Variants in TMEM117 observed in about 807,000 individuals in gnomAD.
The protein encoded by TMEM117 is transmembrane protein 117.
Under a neutral mutation model 52.4 loss-of-function variants are expected in TMEM117, and 27 were observed. The ratio of observed to expected loss-of-function variants is 0.51; its 90% CI spans 0.38 to 0.71. The LOEUF (loss-of-function observed/expected upper bound fraction) is 0.71. Ranked by LOEUF, TMEM117 falls within the 30% of genes least tolerant of loss-of-function variation. The pLI, the probability that TMEM117 is intolerant of heterozygous loss-of-function variation, is 0.00. For missense variants in TMEM117, 556 were observed against 630.5 expected, an observed-to-expected ratio of 0.88 and a Z score of 1.26; for synonymous variants, 215 against 206.3, an observed-to-expected ratio of 1.04 and a Z score of -0.36.
At chr12:44,378,695 G>A (rs897226777) in intron 7 of TMEM117, among the ~76,000 whole-genome samples, 1 of 152,160 alleles carries the variant, frequency 6.6e-6, no homozygotes, top group Non-Finnish European at 1.5e-5. Flanking sequence ...TTAAGGCTTT[G>A]GTGCAGTGTT....
chr12:44,152,197 ATATAAT>A (rs1948742886), intron 4 of TMEM117, among the ~76,000 whole-genome samples: 1 of 109,264 alleles, frequency 9.2e-6, no homozygotes, highest in South Asian at 3.1e-4. Context: ...ATATATATAA[ATATAAT>A]TATATTTATA....
At chr12:43,865,666 C>T (rs1490643621) in intron 2 of TMEM117, among the ~76,000 whole-genome samples, 2 of 150,674 alleles carry the variant, frequency 1.3e-5, no homozygotes, top group Admixed American at 6.6e-5. Context: ...CACTGCACTC[C>T]AGCCTGGGTG....
At chr12:43,986,478 T>G (rs1342790621) in intron 3 of TMEM117, among the ~76,000 whole-genome samples, 1 of 152,168 alleles carries the variant, frequency 6.6e-6, no homozygotes. Flanking sequence ...TGCTGATGTC[T>G]TTATGATTTT....
At chr12:43,945,447 A>G (rs1945116353) in intron 3 of TMEM117, among the ~76,000 whole-genome samples, 2 of 151,584 alleles carry the variant, frequency 1.3e-5, no homozygotes, top group South Asian at 4.2e-4. Context: ...CAGCCTCCCT[A>G]GTAGCTGAGA....
chr12:44,035,762 A>C (rs1275100272), intron 3 of TMEM117, among the ~76,000 whole-genome samples: 1 of 152,220 alleles, frequency 6.6e-6, no homozygotes, highest in African/African-American at 2.4e-5. Flanking sequence ...AATTAGCTAA[A>C]TAGGTTATGC....
chr12:43,806,470 T>G, the TMEM117 span: 1 of 927,246 alleles, frequency 1.1e-6, no homozygotes, highest in Non-Finnish European at 1.3e-6. Flanking sequence ...CTATCCTAGT[T>G]CTCTGCTTGG....
At chr12:43,893,604 G>A (rs1944146883) in intron 2 of TMEM117, among the ~76,000 whole-genome samples, 1 of 152,024 alleles carries the variant, frequency 6.6e-6, no homozygotes, top group South Asian at 2.1e-4. Context: ...TTCTCTTTGT[G>A]AAAAATCACA....
chr12:44,373,194 C>T (rs187370023), intron 6 of TMEM117, among the ~76,000 whole-genome samples: 1 of 152,296 alleles, frequency 6.6e-6, no homozygotes, highest in Admixed American at 6.5e-5. Flanking sequence ...GCAGTGTCTC[C>T]CTCACACTTA....
the TMEM117 span, chr12:43,806,099 C>T: frequency 6.6e-7 from 1 of 1,521,390 alleles, no homozygotes; most frequent in South Asian, 1.2e-5. Flanking sequence ...GCCCGGCTCG[C>T]CCCGCGAGAC....
chr12:44,211,704 A>G (rs1949647375), intron 5 of TMEM117, among the ~76,000 whole-genome samples: 2 of 152,192 alleles, frequency 1.3e-5, no homozygotes, highest in Non-Finnish European at 2.9e-5. Flanking sequence ...ACTGTCTCCT[A>G]TAAATACTAA....
At chr12:44,002,008 T>C (rs180855895) in intron 3 of TMEM117, among the ~76,000 whole-genome samples, 261 of 152,174 alleles carry the variant, frequency 1.7e-3, no homozygotes, top group African/African-American at 6.0e-3. Flanking sequence ...CTGGAGGACA[T>C]GGCACCACCT....
At chr12:44,106,588 C>T (rs1179867372) in intron 3 of TMEM117, among the ~76,000 whole-genome samples, 1 of 151,772 alleles carries the variant, frequency 6.6e-6, no homozygotes, top group East Asian at 1.9e-4. Context: ...CTGTATTTAA[C>T]AATAATATAT....
the TMEM117 span, chr12:43,805,784 C>T: frequency 7.4e-7 from 1 of 1,354,478 alleles, no homozygotes; most frequent in Non-Finnish European, 9.8e-7. Flanking sequence ...TTTTTGTAAT[C>T]AAAGTCCTGT....
At chr12:44,394,432 A>G (rs1297002915), downstream of TMEM117, among the ~76,000 whole-genome samples, 2 of 152,136 alleles carry the variant, frequency 1.3e-5, no homozygotes, top group African/African-American at 2.4e-5. Flanking sequence ...TGGTTAGGCC[A>G]TTTGCTCCCA....
At chr12:43,902,141 T>C (rs879007147) in intron 2 of TMEM117, among the ~76,000 whole-genome samples, 12 of 152,226 alleles carry the variant, frequency 7.9e-5, no homozygotes, top group African/African-American at 2.9e-4. Context: ...CCTGACGGTG[T>C]TAACTGGAAC....
At chr12:43,811,648 A>G in the TMEM117 span, among the ~76,000 whole-genome samples, 2 of 152,250 alleles carry the variant, frequency 1.3e-5, no homozygotes, top group African/African-American at 2.4e-5. Context: ...ATAGCAGGTT[A>G]GTACAACAGG....
intron 4 of TMEM117, among the ~76,000 whole-genome samples, chr12:44,150,249 G>T (rs947418699): frequency 6.6e-6 from 1 of 152,130 alleles, no homozygotes; most frequent in Non-Finnish European, 1.5e-5. Flanking sequence ...GCATGCATCA[G>T]GGATTTAGGG....
chr12:43,962,604 C>G (rs912795993), intron 3 of TMEM117, among the ~76,000 whole-genome samples: 2 of 152,116 alleles, frequency 1.3e-5, no homozygotes, highest in Non-Finnish European at 2.9e-5. Context: ...GTTTAATTCT[C>G]TCTCCCTAAA....
At chr12:44,311,777 GTGTATATATGTATATATATGTATATA>G (rs398019335) in intron 6 of TMEM117, among the ~76,000 whole-genome samples, 69,559 of 101,140 alleles carry the variant, frequency 0.69, 28,382 homozygotes, top group East Asian at 0.88. Context: ...ATGTATATAT[GTGTATATATGTATATATATGTATATA>G]TGTATATATG....
Sources: gnomAD v4.1 joint callset for allele counts (sites outside exome capture counted in the v4.1 genomes callset) on GRCh38, gnomAD v4.1.1 for gene constraint, MANE v1.5 for transcripts, NCBI Gene and HGNC (gene_info 2026-07-23, HGNC 2026-07-21) for gene names.